Variants in KCNMA1 observed in about 807,000 individuals in gnomAD.
KCNMA1 encodes the protein potassium calcium-activated channel subfamily M alpha 1, also known as Calcium-activated potassium channel subunit alpha-1.
A neutral mutation model predicts 140.0 loss-of-function variants in KCNMA1; 29 were observed. The observed-to-expected ratio is 0.21, with a 90% CI of 0.15 to 0.28. The LOEUF (loss-of-function observed/expected upper bound fraction) is 0.28, where lower values mean the gene tolerates loss of function less well. Ranked by LOEUF, KCNMA1 falls within the 10% of genes least tolerant of loss-of-function variation. The pLI is 1.00. For synonymous variants in KCNMA1, 612 were observed against 611.9 expected (o/e 1.00, Z 0.00); for missense variants, 880 against 1,602.2 (o/e 0.55, Z 7.70).
intron 1 of KCNMA1, among the ~76,000 whole-genome samples, chr10:77,438,752 C>A (rs1302742189): frequency 6.6e-6 from 1 of 152,136 alleles, no homozygotes; most frequent in Admixed American, 6.6e-5. Flanking sequence ...TATTCCTTCT[C>A]TCCACAACAT....
chr10:77,267,886 T>C (rs1008574592), intron 2 of KCNMA1, among the ~76,000 whole-genome samples: 1 of 152,162 alleles, frequency 6.6e-6, no homozygotes, highest in African/African-American at 2.4e-5. Flanking sequence ...AAGAATACCA[T>C]AAAAGGAATT....
chr10:77,637,776 G>A lies in KCNMA1; in HGVS notation c.-134C>T, dbSNP rs2093917378. On this transcript the variant is annotated 5_prime_UTR_variant, in exon 1 of 28. Coordinates refer to ENST00000286628, the MANE Select transcript of KCNMA1 (RefSeq NM_001161352.2). ...CCGCCGCCGCGGAGCGCGGGAGGGGGGCGGGGAGGCGCCTGGGCTCGGGGC... is the reference window on the plus strand; with the variant it reads ...CCGCCGCCGCGGAGCGCGGGAGGGGAGCGGGGAGGCGCCTGGGCTCGGGGC... 1 of 1,291,900 alleles carries A rather than the reference G, an allele frequency of 7.7e-7. No homozygotes were observed. The highest frequency in any genetic ancestry group is 4.2e-5 in the Admixed American group (1 of 23,652). The allele number at this position is 1,291,900 out of a possible 1,614,324, so 80.0% of individuals were successfully genotyped here.
At chr10:76,985,240 C>CATATTACATA (rs2080923447) in intron 19 of KCNMA1, among the ~76,000 whole-genome samples, 1 of 152,166 alleles carries the variant, frequency 6.6e-6, no homozygotes, top group Non-Finnish European at 1.5e-5. Flanking sequence ...ATGTAAAGCA[C>CATATTACATA]TGTAAGTCAC....
chr10:77,260,980 A>G (rs1279992353), intron 2 of KCNMA1, among the ~76,000 whole-genome samples: 1 of 152,192 alleles, frequency 6.6e-6, no homozygotes, highest in Non-Finnish European at 1.5e-5. Flanking sequence ...GTGTATTTGT[A>G]TGCACACAAA....
chr10:77,401,702 T>A (rs999581273), intron 2 of KCNMA1, among the ~76,000 whole-genome samples: 2 of 152,226 alleles, frequency 1.3e-5, no homozygotes, highest in African/African-American at 4.8e-5. Flanking sequence ...AGTGGTCATT[T>A]TCTTGTGTTT....
chr10:76,978,186 TC>T (rs2078267729), intron 19 of KCNMA1, among the ~76,000 whole-genome samples: 1 of 152,216 alleles, frequency 6.6e-6, no homozygotes, highest in Non-Finnish European at 1.5e-5. Context: ...ACGGCTGCTG[TC>T]TCTTTGTTAA....
At chr10:77,233,396 C>A (rs2054277224) in intron 3 of KCNMA1, among the ~76,000 whole-genome samples, 2 of 151,922 alleles carry the variant, frequency 1.3e-5, no homozygotes, top group South Asian at 2.1e-4. Context: ...TGATTTGGAC[C>A]AAAAAAATTA....
chr10:76,889,903 C>G (rs1564728050), intron 26 of KCNMA1: 1 of 384,868 alleles, frequency 2.6e-6, no homozygotes, highest in African/African-American at 2.1e-5. Context: ...GATGTATGCT[C>G]AGCTGAGGAG....
rs564651105 is a variant in KCNMA1 at position 77,446,892 on chromosome 10, C to T, written c.379-42869G>A. On this transcript the variant is annotated intron_variant, in intron 1 of 27. Coordinates refer to ENST00000286628, the MANE Select transcript of KCNMA1 (RefSeq NM_001161352.2). Reference sequence around the variant, plus strand: ...TTCTACCTCCATACCTTTGTTCACACTGTTTTGCTTAGCTGGCAAGTTCTT... The same window carrying T: ...TTCTACCTCCATACCTTTGTTCACATTGTTTTGCTTAGCTGGCAAGTTCTT... Among the ~76,000 whole-genome samples, 9 of 152,368 alleles carry T rather than the reference C, an allele frequency of 5.9e-5. No individual in the cohort carries two copies. In the South Asian group the frequency reaches 1.9e-3, roughly 32 times the overall value.
intron 3 of KCNMA1, among the ~76,000 whole-genome samples, chr10:77,215,878 G>GTCTC (rs751628887): frequency 4.1e-5 from 6 of 146,226 alleles, no homozygotes; most frequent in African/African-American, 1.5e-4. Context: ...CCCCCCACCT[G>GTCTC]TCTCTCTCTC....
intron 20 of KCNMA1, among the ~76,000 whole-genome samples, chr10:76,963,685 T>G (rs2153082913): frequency 6.6e-6 from 1 of 152,342 alleles, no homozygotes; most frequent in East Asian, 1.9e-4. Context: ...ACTGACTAGA[T>G]GCTGCACTAA....
At chr10:77,560,660 T>C (rs1293060653) in intron 1 of KCNMA1, among the ~76,000 whole-genome samples, 4 of 152,210 alleles carry the variant, frequency 2.6e-5, no homozygotes, top group Admixed American at 2.6e-4. Context: ...AAGTGGTCTC[T>C]AGTGCCATTG....
At chr10:77,421,754 G>A (rs1387433652) in intron 1 of KCNMA1, among the ~76,000 whole-genome samples, 1 of 152,248 alleles carries the variant, frequency 6.6e-6, no homozygotes, top group African/African-American at 2.4e-5. Context: ...ACAGCCTGTG[G>A]TGTGCCAGCT....
chr10:77,357,693 A>C (rs138727885), intron 2 of KCNMA1, among the ~76,000 whole-genome samples: 1 of 152,240 alleles, frequency 6.6e-6, no homozygotes, highest in Non-Finnish European at 1.5e-5. Flanking sequence ...TGTCTTTCTT[A>C]AACTTCAGTT....
At chr10:77,337,836 C>G (rs1453307420) in intron 2 of KCNMA1, among the ~76,000 whole-genome samples, 3 of 152,150 alleles carry the variant, frequency 2.0e-5, no homozygotes, top group African/African-American at 7.2e-5. Context: ...GCATATGTCC[C>G]ATTTTGGCAG....
intron 22 of KCNMA1, among the ~76,000 whole-genome samples, chr10:76,948,215 A>G (rs1017826987): frequency 3.3e-5 from 5 of 152,288 alleles, no homozygotes; most frequent in Middle Eastern, 3.4e-3. Context: ...CATGTTGCCC[A>G]GGCTGCTCAT....
At chr10:77,374,409 A>G (rs1464758026) in intron 2 of KCNMA1, among the ~76,000 whole-genome samples, 1 of 152,224 alleles carries the variant, frequency 6.6e-6, no homozygotes, top group Non-Finnish European at 1.5e-5. Flanking sequence ...CTATCCACAC[A>G]AAAAAACTAT....
chr10:77,454,922 C>T (rs984683254), intron 1 of KCNMA1, among the ~76,000 whole-genome samples: 1 of 152,126 alleles, frequency 6.6e-6, no homozygotes, highest in African/African-American at 2.4e-5. Flanking sequence ...AGTCTGTCTG[C>T]ACCATTGATC....
intron 1 of KCNMA1, among the ~76,000 whole-genome samples, chr10:77,605,514 T>A (rs1488922236): frequency 6.6e-6 from 1 of 152,126 alleles, no homozygotes; most frequent in Non-Finnish European, 1.5e-5. Context: ...CTGTCAGTGC[T>A]CAAAGGGGCC....
Sources: gnomAD v4.1 joint callset for allele counts (sites outside exome capture counted in the v4.1 genomes callset) on GRCh38, gnomAD v4.1.1 for gene constraint, MANE v1.5 for transcripts, NCBI Gene and HGNC (gene_info 2026-07-23, HGNC 2026-07-21) for gene names.